MRPL45: variants seen among roughly 807,000 people sequenced by gnomAD.
MRPL45 encodes mitochondrial ribosomal protein L45.
A neutral mutation model predicts 38.1 loss-of-function variants in MRPL45; 20 were observed. That is an observed-to-expected ratio of 0.53 (90% CI 0.37 to 0.76). The LOEUF is 0.76. MRPL45 is among the 30% of genes least tolerant of loss of function. MRPL45 has a pLI of 0.00. For missense variants in MRPL45, 337 were observed against 395.6 expected (o/e 0.85, Z 1.26); for synonymous variants, 105 against 128.8 (o/e 0.82, Z 1.25).
chr17:38,311,167 A>G (rs1430820652), intron 4 of MRPL45, among the ~76,000 whole-genome samples: 4 of 152,116 alleles, frequency 2.6e-5, no homozygotes, highest in African/African-American at 9.7e-5. Context: ...ATTAAGCAGT[A>G]ATTCCCCATT....
chr17:38,318,661 A>G lies in MRPL45; in HGVS notation c.462-26A>G, dbSNP rs758015655. The G allele has an allele frequency of 3.2e-6, 5 of 1,548,270 alleles. No homozygotes were observed. The African/African-American group carries it at 4.1e-5, about 13-fold the overall frequency. ...CAGGGTATTATAAGAGCAATAGTCA[A>G]TGATATTTATTGCTTTCTTTTCTAG... On this transcript the variant is annotated intron_variant, in intron 4 of 7. Coordinates refer to ENST00000613675, the MANE Select transcript of MRPL45 (RefSeq NM_032351.6).
chr17:38,302,846 TCC>T (rs907701663), intron 3 of MRPL45, among the ~76,000 whole-genome samples: 40 of 149,730 alleles, frequency 2.7e-4, no homozygotes, highest in Non-Finnish European at 4.6e-4. Flanking sequence ...TGCCTCAGCC[TCC>T]CGAGTAGCTG....
intron 4 of MRPL45, 113 bp downstream of exon 4, chr17:38,306,744 A>G (rs2037059428): frequency 1.6e-6 from 2 of 1,239,892 alleles, no homozygotes; most frequent in African/African-American, 3.0e-5. Flanking sequence ...TTCTGCCTTC[A>G]GGTAAGAGAT....
In MRPL45 at chr17:38,322,534, T is replaced by C. The variant is rs1175638887; in HGVS notation, c.860T>C (p.Leu287Pro). ...LKTVMIPGPQ[L>P]KPEEEYEEAQ... is the part of the protein sequence containing the mutation. ...ACGGTGATGATCCCTGGCCCTCAGCTGAAACCAGAAGAAGAATATGAAGAG... is the reference window on the plus strand; with the variant it reads ...ACGGTGATGATCCCTGGCCCTCAGCCGAAACCAGAAGAAGAATATGAAGAG... The change falls in exon 8 of 8, where the codon CTG (leucine) becomes CCG (proline). Residue 287 changes from leucine (L) to proline (P), a missense_variant. By Grantham distance (98) the Leu-to-Pro change is moderately conservative. This residue lies in a region of MRPL45 where 251 missense variants were observed against 269.1 expected (regional missense o/e 0.93). Transcript: ENST00000613675. 23 of 1,613,476 alleles carry C rather than the reference T, an allele frequency of 1.4e-5. No individual in the cohort carries two copies. In the Admixed American group the frequency reaches 3.0e-4, roughly 21 times the overall value.
At chr17:38,302,332 C>A (rs989034394) in intron 3 of MRPL45, among the ~76,000 whole-genome samples, 80 of 150,904 alleles carry the variant, frequency 5.3e-4, no homozygotes, top group African/African-American at 1.6e-3. Flanking sequence ...ACTAAAGATA[C>A]AAAATTTAGC....
intron 4 of MRPL45, among the ~76,000 whole-genome samples, chr17:38,313,320 ATATATATATATACATATATATATATACG>A (rs2037137861): frequency 2.8e-3 from 43 of 15,390 alleles, no homozygotes; most frequent in South Asian, 8.1e-3. Flanking sequence ...AAATATATAT[ATATATATATATACATATATATATATACG>A]TATATATATA....
intron 4 of MRPL45, among the ~76,000 whole-genome samples, chr17:38,312,984 GT>G (rs71138604): frequency 0.014 from 1,592 of 113,644 alleles, 14 homozygotes; most frequent in African/African-American, 0.05. Context: ...CTTTTTATTG[GT>G]TTTTTTTTTT....
In MRPL45 at chr17:38,309,698, A is replaced by G. The variant is rs914655277; in HGVS notation, c.461+3067A>G. On this transcript the variant is annotated intron_variant, in intron 4 of 7. Transcript: ENST00000613675. ...GGTCTTGAATCCCTGGCTTCAAGCAATCCTTCCACCTCAGACTCCCAAAAT... is the reference window on the plus strand; with the variant it reads ...GGTCTTGAATCCCTGGCTTCAAGCAGTCCTTCCACCTCAGACTCCCAAAAT... Among the ~76,000 whole-genome samples, 6 of 151,606 alleles carry G rather than the reference A, an allele frequency of 4.0e-5. No homozygotes were observed. In the East Asian group the frequency reaches 1.2e-3, roughly 29 times the overall value.
At position 38,322,621 on chromosome 17, in the gene MRPL45, G is replaced by T; in HGVS notation, c.*26G>T. 1 of 1,581,772 alleles carries T rather than the reference G, an allele frequency of 6.3e-7. No individual in the cohort carries two copies. Among genetic ancestry groups the T allele is most frequent in the Non-Finnish European group, 8.7e-7 (1 of 1,154,652 alleles). The stretch of plus-strand genomic sequence containing the variant: ...TGACAAAAATGACTTCTAGGGTGAA[G>T]CCTGGGTGATGAGGCTGCTGGAAGC... On this transcript the variant is annotated 3_prime_UTR_variant, in exon 8 of 8. Transcript: ENST00000613675.
At position 38,298,625 on chromosome 17, in the gene MRPL45, A is replaced by C; in HGVS notation, c.243A>C (p.Thr81=). The part of the protein sequence containing the change: ...KSDRSIHLAC[T]AGIFDAYVPP... ...ACCGTTCCATACATCTGGCCTGTAC[A>C]GGTGAGGTATTTCTGGGACCCTGAC... is the stretch of plus-strand genomic sequence containing the variant. Residue 81 remains threonine (T), a splice_region_variant and synonymous_variant, in exon 2 of 8, where the codon ACA becomes ACC. Coordinates refer to ENST00000613675, the MANE Select transcript of MRPL45 (RefSeq NM_032351.6). 6.2e-7 allele frequency: 1 copy of C among 1,604,828 alleles called. No individual in the cohort carries two copies. Among genetic ancestry groups the C allele is most frequent in the Non-Finnish European group, 8.5e-7 (1 of 1,173,810 alleles).
At chr17:38,305,994 C>G (rs1351542742) in intron 3 of MRPL45, among the ~76,000 whole-genome samples, 1 of 151,982 alleles carries the variant, frequency 6.6e-6, no homozygotes, top group Non-Finnish European at 1.5e-5. Flanking sequence ...GTTTTTAGTG[C>G]ATATCAGATG....
rs549274705 is a variant in MRPL45, at chr17:38,320,716, G to A, written c.609G>A (p.Met203Ile). 1.2e-6 allele frequency: 2 copies of A among 1,614,168 alleles called. No homozygotes were observed. The highest frequency in any genetic ancestry group is 1.3e-5 in the African/African-American group (1 of 75,044). Reference sequence around the variant, plus strand: ...TTCAAGTTCGCTGTTCAAGTATGATGAACCAGGGCAACGTGTACGGCCAGA... The same window carrying A: ...TTCAAGTTCGCTGTTCAAGTATGATAAACCAGGGCAACGTGTACGGCCAGA... ...HVVQVRCSSM[M>I]NQGNVYGQIT... The change falls in exon 6 of 8, where the codon ATG (methionine) becomes ATA (isoleucine). Residue 203 changes from methionine (M) to isoleucine (I), a missense_variant. Transcript: ENST00000613675.
intron 4 of MRPL45, 67 bp from the exon 5 acceptor site, chr17:38,318,620 A>G: frequency 8.5e-7 from 1 of 1,177,436 alleles, no homozygotes; most frequent in Non-Finnish European, 1.3e-6. Context: ...TTTCAGGACC[A>G]TTTTCAGTCT....
In MRPL45 at chr17:38,315,377, C is replaced by T. The variant is rs867506004; in HGVS notation, c.462-3310C>T. ...CTCAAGCGATCTTCCCACCTCAGCC[C>T]CTGAGTAGCTGGGACTACAGGTGTG... is the stretch of plus-strand genomic sequence containing the variant. On this transcript the variant is annotated intron_variant, in intron 4 of 7. Transcript: ENST00000613675. Among the ~76,000 whole-genome samples, 18 of 152,154 alleles carry T rather than the reference C, an allele frequency of 1.2e-4. 1 individual carries two copies. In the South Asian group the frequency reaches 3.5e-3, roughly 30 times the overall value.
chr17:38,304,701 G>A (rs938263872), intron 3 of MRPL45, among the ~76,000 whole-genome samples: 8 of 151,868 alleles, frequency 5.3e-5, no homozygotes, highest in Admixed American at 6.6e-5. Context: ...CTGCCACCAC[G>A]CCCAGCTAAT....
At chr17:38,315,868 G>A (rs567556431) in intron 4 of MRPL45, among the ~76,000 whole-genome samples, 3 of 151,808 alleles carry the variant, frequency 2.0e-5, no homozygotes, top group Non-Finnish European at 4.4e-5. Flanking sequence ...CGCCTCCCAG[G>A]TTCAAGTGAT....
chr17:38,315,521 T>TGCCTCC (rs2037165067), intron 4 of MRPL45, among the ~76,000 whole-genome samples: 1 of 151,908 alleles, frequency 6.6e-6, no homozygotes, highest in African/African-American at 2.4e-5. Context: ...CTCTTGCCTC[T>TGCCTCC]GCCTCCCAAT....
At chr17:38,316,412 T>C (rs73302933) in intron 4 of MRPL45, among the ~76,000 whole-genome samples, 2,818 of 152,266 alleles carry the variant, frequency 0.019, 93 homozygotes, top group African/African-American at 0.065. Context: ...TCATTACTTC[T>C]TTGTCCATGG....
chr17:38,297,937 A>G (rs1260399287), intron 1 of MRPL45, among the ~76,000 whole-genome samples: 1 of 152,148 alleles, frequency 6.6e-6, no homozygotes, highest in Non-Finnish European at 1.5e-5. Context: ...TCTTTACAAA[A>G]AAATTTTAAA....
Sources: gnomAD v4.1 joint callset for allele counts (sites outside exome capture counted in the v4.1 genomes callset) on GRCh38, gnomAD v4.1.1 for gene constraint, gnomAD v4.1.1 regional missense constraint, MANE v1.5 for transcripts, NCBI Gene and HGNC (gene_info 2026-07-23, HGNC 2026-07-21) for gene names.